The following CNTN4 variants were observed in gnomAD, a reference collection of about 807,000 sequenced individuals.
CNTN4 encodes contactin-4.
Under a neutral mutation model 122.5 loss-of-function variants are expected in CNTN4, and 77 were observed. That is an observed-to-expected ratio of 0.63 (90% confidence interval 0.52 to 0.76). CNTN4 has a LOEUF of 0.76. CNTN4 is among the 30% of genes least tolerant of loss of function. The probability of loss-of-function intolerance (pLI) is 0.00; values close to 1 mark genes in which losing one functional copy is unlikely to be tolerated. For synonymous variants in CNTN4, 512 were observed against 447.0 expected (o/e 1.15, Z -1.83); for missense variants, 1,256 against 1,259.1 (o/e 1.00, Z 0.04).
chr3:2,540,776 G>T (rs1431335768), intron 3 of CNTN4, among the ~76,000 whole-genome samples: 2 of 151,968 alleles, frequency 1.3e-5, no homozygotes, highest in Admixed American at 6.6e-5. Context: ...CTTGATCCAA[G>T]GTTTATAAAG....
At chr3:2,889,292 G>A (rs1053728746) in intron 10 of CNTN4, among the ~76,000 whole-genome samples, 17 of 152,224 alleles carry the variant, frequency 1.1e-4, no homozygotes, top group African/African-American at 4.1e-4. Context: ...TGATGAGCTG[G>A]GCAGTAGCTG....
intron 2 of CNTN4, among the ~76,000 whole-genome samples, chr3:2,325,418 A>G (rs575356286): frequency 2.0e-5 from 3 of 152,362 alleles, no homozygotes; most frequent in South Asian, 2.1e-4. Flanking sequence ...GTAAATATCA[A>G]TAAACCTAAT....
chr3:2,213,251 G>C (rs1012467792), intron 2 of CNTN4, among the ~76,000 whole-genome samples: 2 of 152,096 alleles, frequency 1.3e-5, no homozygotes, highest in African/African-American at 4.8e-5. Flanking sequence ...TCACATAGCT[G>C]GTCTGTTCAA....
intron 3 of CNTN4, among the ~76,000 whole-genome samples, chr3:2,399,615 AATGAG>A (rs553432462): frequency 3.5e-3 from 529 of 152,160 alleles, no homozygotes; most frequent in African/African-American, 0.012. Flanking sequence ...GTGAGAATTG[AATGAG>A]ATAACACATG....
intron 3 of CNTN4, among the ~76,000 whole-genome samples, chr3:2,389,029 T>G (rs891100624): frequency 1.4e-4 from 21 of 150,054 alleles, no homozygotes; most frequent in Admixed American, 1.4e-3. Context: ...GGCGTGGTGG[T>G]GTGTGCCTGT....
At chr3:2,302,262 C>G (rs550179351) in intron 2 of CNTN4, among the ~76,000 whole-genome samples, 1 of 152,114 alleles carries the variant, frequency 6.6e-6, no homozygotes, top group East Asian at 1.9e-4. Flanking sequence ...AACCATGTCT[C>G]CACTAAAAAT....
intron 3 of CNTN4, among the ~76,000 whole-genome samples, chr3:2,434,505 G>T (rs1470322935): frequency 1.3e-5 from 2 of 152,152 alleles, no homozygotes. Context: ...GTCCCAGATT[G>T]GTGCAGCATC....
At chr3:2,597,614 C>A (rs1232278400) in intron 4 of CNTN4, among the ~76,000 whole-genome samples, 7 of 152,104 alleles carry the variant, frequency 4.6e-5, no homozygotes, top group African/African-American at 1.4e-4. Context: ...TGAAGGCATG[C>A]ATAAAAGACA....
rs149031463 is a variant in CNTN4, at chr3:2,167,834, C to G, written c.-145+67195C>G. Among the ~76,000 whole-genome samples the G allele has an allele frequency of 5.6e-3, 853 of 152,244 alleles. 11 individuals carry two copies. The highest frequency in any genetic ancestry group is 0.019 in the African/African-American group (802 of 41,530). ...GTTTCCCTTTCCTCGTTTGAGAACC[C>G]CTGGTTTGAATATTACAGTTCAGTT... On this transcript the variant is annotated intron_variant, in intron 2 of 24. Transcript: ENST00000418658.
intron 12 of CNTN4, among the ~76,000 whole-genome samples, chr3:2,907,296 G>A (rs1433547205): frequency 6.6e-6 from 1 of 152,132 alleles, no homozygotes; most frequent in East Asian, 1.9e-4. Context: ...CTCTTGGCCG[G>A]GTGTAGTGGC....
chr3:2,252,543 G>A (rs2149688662), intron 2 of CNTN4, among the ~76,000 whole-genome samples: 1 of 152,116 alleles, frequency 6.6e-6, no homozygotes, highest in South Asian at 2.1e-4. Context: ...AGATTTATTG[G>A]AAAGCAAAGG....
At chr3:2,241,334 C>T (rs1460349216) in intron 2 of CNTN4, among the ~76,000 whole-genome samples, 1 of 152,132 alleles carries the variant, frequency 6.6e-6, no homozygotes, top group African/African-American at 2.4e-5. Flanking sequence ...TAGATAGTTA[C>T]AATGCTGACA....
intron 14 of CNTN4, among the ~76,000 whole-genome samples, chr3:3,009,569 G>T (rs545457035): frequency 7.2e-6 from 1 of 139,486 alleles, no homozygotes; most frequent in Non-Finnish European, 1.6e-5. Context: ...GAGTAGCTGG[G>T]ACTACAGGCG....
chr3:2,677,537 G>C (rs532551249), intron 4 of CNTN4, among the ~76,000 whole-genome samples: 1 of 145,246 alleles, frequency 6.9e-6, no homozygotes, highest in African/African-American at 2.6e-5. Context: ...GAGAGAAAGA[G>C]CACACACTTA....
intron 6 of CNTN4, among the ~76,000 whole-genome samples, chr3:2,782,061 G>T (rs768702717): frequency 2.6e-5 from 4 of 151,986 alleles, no homozygotes; most frequent in South Asian, 2.1e-4. Flanking sequence ...ATAAGAGGTT[G>T]TGGAGACCAG....
At chr3:2,683,462 AG>A (rs1257222751) in intron 4 of CNTN4, among the ~76,000 whole-genome samples, 6 of 122,896 alleles carry the variant, frequency 4.9e-5, no homozygotes, top group Non-Finnish European at 8.1e-5. Flanking sequence ...AATATAAGTC[AG>A]TTTGGTCTCT....
At chr3:2,907,327 C>T (rs995428160) in intron 12 of CNTN4, among the ~76,000 whole-genome samples, 1 of 152,142 alleles carries the variant, frequency 6.6e-6, no homozygotes, top group Non-Finnish European at 1.5e-5. Flanking sequence ...AATCCCAGCA[C>T]TTTGGGAAGT....
intron 2 of CNTN4, among the ~76,000 whole-genome samples, chr3:2,283,733 A>C (rs1276701917): frequency 6.6e-6 from 1 of 152,136 alleles, no homozygotes; most frequent in East Asian, 1.9e-4. Context: ...TCAATTTTGC[A>C]TTGAGCACCA....
chr3:2,804,299 A>G (rs1431908486), intron 6 of CNTN4, among the ~76,000 whole-genome samples: 3 of 152,154 alleles, frequency 2.0e-5, no homozygotes, highest in African/African-American at 7.2e-5. Context: ...TTTGCCTAAT[A>G]TGTCACACAA....
Sources: gnomAD v4.1 joint callset for allele counts (sites outside exome capture counted in the v4.1 genomes callset) on GRCh38, gnomAD v4.1.1 for gene constraint, MANE v1.5 for transcripts, NCBI Gene and HGNC (gene_info 2026-07-23, HGNC 2026-07-21) for gene names.